The following CMTM8 variants were observed in gnomAD, a reference collection of about 807,000 sequenced individuals.
CMTM8 encodes CKLF like MARVEL transmembrane domain containing 8, also known as CKLF-like MARVEL transmembrane domain-containing protein 8.
Under a neutral mutation model 18.6 loss-of-function variants are expected in CMTM8, and 12 were observed. The observed-to-expected ratio is 0.65, with a 90% CI of 0.41 to 1.05. CMTM8 has a LOEUF of 1.05. Ranked by LOEUF, CMTM8 falls within the 50% of genes least tolerant of loss-of-function variation. The pLI is 0.00. For synonymous variants in CMTM8, 87 were observed against 90.6 expected (o/e 0.96, Z 0.23); for missense variants, 217 against 227.2 (o/e 0.95, Z 0.29).
chr3:32,363,033 T>C (rs7621795), intron 2 of CMTM8, among the ~76,000 whole-genome samples: 43,713 of 97,312 alleles, frequency 0.45, 6,472 homozygotes, highest in South Asian at 0.55. Flanking sequence ...TAAGTTACTG[T>C]GTATACTTTA....
rs974503159 is a variant in CMTM8, at chr3:32,358,836, C to T, written c.321+1290C>T. Among the ~76,000 whole-genome samples the T allele has an allele frequency of 3.9e-5, 6 of 152,098 alleles. No individual in the cohort carries two copies. Among genetic ancestry groups the T allele is most frequent in the Admixed American group, 3.9e-4 (6 of 15,270 alleles). ...CTTGTTAGAATTGGTGTTTTGCTGC[C>T]TCAGATGGGCATCAGGAGGGAAAGA... On this transcript the variant is annotated intron_variant, in intron 2 of 3. Coordinates refer to ENST00000307526, the MANE Select transcript of CMTM8 (RefSeq NM_178868.5). The surrounding 1 kb of genome is among the most constrained non-coding windows in gnomAD (Gnocchi z 4.1).
chr3:32,308,665 A>T (rs1293103575), intron 1 of CMTM8, among the ~76,000 whole-genome samples: 1 of 152,220 alleles, frequency 6.6e-6, no homozygotes, highest in Non-Finnish European at 1.5e-5. Flanking sequence ...AAATAAGAAT[A>T]CATGGAAAGC....
intron 1 of CMTM8, among the ~76,000 whole-genome samples, chr3:32,245,896 A>T (rs1348298939): frequency 6.6e-6 from 1 of 152,054 alleles, no homozygotes; most frequent in Non-Finnish European, 1.5e-5. Flanking sequence ...GCTCACTGCA[A>T]CCTCTGACTC....
chr3:32,256,015 A>C (rs1446096675), intron 1 of CMTM8, among the ~76,000 whole-genome samples: 1 of 152,174 alleles, frequency 6.6e-6, no homozygotes, highest in Non-Finnish European at 1.5e-5. Context: ...GGTATGAGCC[A>C]CCGTGCCCAG....
chr3:32,301,515 CAGTGGTGCAGAA>C (rs561903840), intron 1 of CMTM8, among the ~76,000 whole-genome samples: 487 of 152,054 alleles, frequency 3.2e-3, no homozygotes, highest in African/African-American at 0.011. Context: ...TCCCTCCTGC[CAGTGGTGCAGAA>C]AGTGGTCAAG....
chr3:32,319,676 A>G (rs190662669), intron 1 of CMTM8, among the ~76,000 whole-genome samples: 75 of 152,300 alleles, frequency 4.9e-4, no homozygotes, highest in African/African-American at 1.8e-3. Context: ...GTAATTAACA[A>G]TATTATCACT....
intron 1 of CMTM8, among the ~76,000 whole-genome samples, chr3:32,352,183 ACACAC>A (rs1696722576): frequency 7.8e-6 from 1 of 127,644 alleles, no homozygotes; most frequent in South Asian, 2.5e-4. Flanking sequence ...CTGAAAAAAA[ACACAC>A]ACACACACAC....
At chr3:32,363,644 T>G (rs1256739036) in intron 2 of CMTM8, among the ~76,000 whole-genome samples, 2 of 152,246 alleles carry the variant, frequency 1.3e-5, no homozygotes, top group Non-Finnish European at 2.9e-5. Context: ...CTGTGAGCGC[T>G]GCATTGGCCC....
At chr3:32,356,451 GT>G (rs1213158826) in intron 1 of CMTM8, among the ~76,000 whole-genome samples, 1 of 152,176 alleles carries the variant, frequency 6.6e-6, no homozygotes, top group Non-Finnish European at 1.5e-5. Flanking sequence ...GTTTAGGTCA[GT>G]TTCCTTTTGC....
chr3:32,332,036 G>A (rs1333560733), intron 1 of CMTM8, among the ~76,000 whole-genome samples: 9 of 150,948 alleles, frequency 6.0e-5, no homozygotes, highest in South Asian at 4.2e-4. Context: ...TTGACCACAC[G>A]CGCACACACA....
At chr3:32,268,590 T>TAAAA (rs370663179) in intron 1 of CMTM8, among the ~76,000 whole-genome samples, 9 of 147,954 alleles carry the variant, frequency 6.1e-5, no homozygotes, top group East Asian at 3.9e-4. Flanking sequence ...ACTTAAAGTA[T>TAAAA]AAAAAAAAAA....
chr3:32,290,794 A>G (rs1327207090), intron 1 of CMTM8, among the ~76,000 whole-genome samples: 1 of 152,252 alleles, frequency 6.6e-6, no homozygotes, highest in Non-Finnish European at 1.5e-5. Flanking sequence ...TGACAGAGGA[A>G]CAAGGCAGAC....
chr3:32,347,504 G>A (rs777015772), intron 1 of CMTM8, among the ~76,000 whole-genome samples: 1 of 151,708 alleles, frequency 6.6e-6, no homozygotes, highest in Admixed American at 6.6e-5. Flanking sequence ...GCTTGGAGGG[G>A]GCAGGGACGG....
At chr3:32,295,403 C>G (rs1295194897) in intron 1 of CMTM8, among the ~76,000 whole-genome samples, 1 of 130,376 alleles carries the variant, frequency 7.7e-6, no homozygotes, top group African/African-American at 2.9e-5. Context: ...TTGCAGTAAG[C>G]CAAGATTGCA....
intron 1 of CMTM8, among the ~76,000 whole-genome samples, chr3:32,309,106 G>T (rs754628286): frequency 6.6e-6 from 1 of 152,052 alleles, no homozygotes; most frequent in South Asian, 2.1e-4. Context: ...TCATATGTAC[G>T]CATGTGTACC....
chr3:32,280,791 C>A (rs1028373952), intron 1 of CMTM8, among the ~76,000 whole-genome samples: 3 of 145,046 alleles, frequency 2.1e-5, no homozygotes, highest in Non-Finnish European at 4.5e-5. Flanking sequence ...GTGGAGTCGA[C>A]CCTACTCAAA....
At chr3:32,277,672 C>G (rs1430136314) in intron 1 of CMTM8, among the ~76,000 whole-genome samples, 1 of 152,148 alleles carries the variant, frequency 6.6e-6, no homozygotes, top group Non-Finnish European at 1.5e-5. Flanking sequence ...TTTGGAGAGG[C>G]CTGTGGACCA....
intron 1 of CMTM8, among the ~76,000 whole-genome samples, chr3:32,269,896 G>A (rs1398661332): frequency 1.3e-5 from 2 of 151,932 alleles, no homozygotes; most frequent in African/African-American, 4.8e-5. Flanking sequence ...TCCTGTCTCA[G>A]CCTCCTGAGT....
At chr3:32,308,459 G>A (rs1218694822) in intron 1 of CMTM8, among the ~76,000 whole-genome samples, 5 of 152,224 alleles carry the variant, frequency 3.3e-5, no homozygotes, top group Admixed American at 2.0e-4. Context: ...CCAGCCCGCA[G>A]TTTCTTCTCC....
Sources: gnomAD v4.1 joint callset for allele counts (sites outside exome capture counted in the v4.1 genomes callset) on GRCh38, gnomAD v4.1.1 for gene constraint, Gnocchi (gnomAD v3.1) non-coding constraint, MANE v1.5 for transcripts, NCBI Gene and HGNC (gene_info 2026-07-23, HGNC 2026-07-21) for gene names.